Variants in ARHGAP40 observed in about 807,000 individuals in gnomAD.
The protein encoded by ARHGAP40 is Rho GTPase activating protein 40.
Under a neutral mutation model 73.5 loss-of-function variants are expected in ARHGAP40, and 43 were observed. The observed-to-expected ratio is 0.58, with a 90% CI of 0.46 to 0.75. The LOEUF (loss-of-function observed/expected upper bound fraction) is 0.75, where lower values mean the gene tolerates loss of function less well. Among genes scored for constraint, ARHGAP40 ranks in the 30% least tolerant of loss-of-function variants. ARHGAP40 has a pLI of 0.00. For missense variants in ARHGAP40, 734 were observed against 861.8 expected (o/e 0.85, Z 1.86); for synonymous variants, 300 against 352.8 (o/e 0.85, Z 1.68).
rs1198366801 is a variant in ARHGAP40, at chr20:38,646,075, G to C, written c.1598G>C (p.Arg533Pro). 7.7e-7 allele frequency: 1 copy of C among 1,304,144 alleles called. No homozygotes were observed. Among genetic ancestry groups the C allele is most frequent in the Admixed American group, 2.3e-5 (1 of 43,562 alleles). 80.8% of individuals were successfully genotyped at this position (1,304,144 alleles called of 1,614,324 possible). ...GCCTCTTTCCTGGTCGCCCAGGTGCGAAAACTGAACGACAGTAGCAGCAGG... is the reference window on the plus strand; with the variant it reads ...GCCTCTTTCCTGGTCGCCCAGGTGCCAAAACTGAACGACAGTAGCAGCAGG... The change falls in exon 12 of 15, where the codon CGA becomes CCA. Residue 533 changes from arginine to proline, a missense_variant. Physicochemically the swap from Arg to Pro is moderately radical, Grantham distance 103. Coordinates refer to ENST00000373345, the Ensembl canonical transcript of ARHGAP40. This position sits in a 1 kb window ranked among gnomAD's most constrained non-coding sequence, Gnocchi z 4.5.
chr20:38,629,066 G>A, intron 4 of ARHGAP40, 64 bp downstream of exon 4: 1 of 1,194,504 alleles, frequency 8.4e-7, no homozygotes, highest in Non-Finnish European at 1.1e-6. Context: ...GCTGCTCTGT[G>A]AAGTAAGAGA....
chr20:38,615,461 C>T (rs2088830441), intron 1 of ARHGAP40: 3 of 695,922 alleles, frequency 4.3e-6, no homozygotes, highest in Admixed American at 2.0e-5. Context: ...AGGAACTCGA[C>T]CTCGGCCACG....
chr20:38,606,682 A>G (rs959301957), intron 1 of ARHGAP40, among the ~76,000 whole-genome samples: 9 of 152,114 alleles, frequency 5.9e-5, no homozygotes, highest in African/African-American at 2.2e-4. Context: ...TTAATCAATA[A>G]TGGGTTAAAT....
In ARHGAP40 at chr20:38,623,379, G is replaced by A. The variant is rs78155085; in HGVS notation, c.158G>A (p.Arg53Gln). The A allele has an allele frequency of 3.0e-3, 3,935 of 1,290,508 alleles. 106 individuals carry two copies. The African/African-American group carries it at 0.055, about 18-fold the overall frequency. 79.9% of individuals were successfully genotyped at this position (1,290,508 alleles called of 1,614,324 possible). A position where few individuals can be genotyped will look rare whatever the true frequency, so the allele number is the denominator to read the frequency against. The stretch of plus-strand genomic sequence containing the variant: ...TACAGCTCTGGCCCCTCCTCAGGCC[G>A]AATGGATCAGCTTCCCCAGAAGAAT... The change falls in exon 2 of 15, where the codon CGA becomes CAA. Residue 53 changes from arginine (R) to glutamine (Q), a missense_variant. By Grantham distance (43) the Arg-to-Gln change is conservative (BLOSUM62 1). Coordinates refer to ENST00000373345, the Ensembl canonical transcript of ARHGAP40.
intron 1 of ARHGAP40, among the ~76,000 whole-genome samples, chr20:38,608,006 G>A (rs892254509): frequency 5.9e-5 from 9 of 151,854 alleles, no homozygotes; most frequent in Non-Finnish European, 1.0e-4. Flanking sequence ...ATCATTTGTT[G>A]CAGATATTTC....
chr20:38,623,642 C>G, intron 2 of ARHGAP40, 84 bp downstream of exon 2: 4 of 1,121,066 alleles, frequency 3.6e-6, no homozygotes, highest in Non-Finnish European at 4.6e-6. Flanking sequence ...CAGATATGAA[C>G]CAGAACATGA....
intron 1 of ARHGAP40, 99 bp from the exon 2 acceptor site, chr20:38,623,260 G>A (rs1208020918): frequency 1.0e-5 from 10 of 978,944 alleles, no homozygotes; most frequent in Non-Finnish European, 1.3e-5. Flanking sequence ...TTAGCCCCCA[G>A]GGGCCCAGGC....
intron 1 of ARHGAP40, among the ~76,000 whole-genome samples, chr20:38,613,427 C>T (rs1163735892): frequency 2.0e-5 from 3 of 152,206 alleles, no homozygotes; most frequent in East Asian, 3.8e-4. Context: ...CCTGGCTTTC[C>T]AACCCTGGTT....
At chr20:38,638,091 T>C (rs906752824) in intron 7 of ARHGAP40, among the ~76,000 whole-genome samples, 5 of 151,658 alleles carry the variant, frequency 3.3e-5, no homozygotes, top group African/African-American at 1.2e-4. Flanking sequence ...GGGTGGATCA[T>C]GAGGTCAGGA....
intron 1 of ARHGAP40, chr20:38,615,164 A>T (rs1601135591): frequency 1.1e-6 from 1 of 900,140 alleles, no homozygotes; most frequent in East Asian, 2.4e-5. Flanking sequence ...TGTCTGAAGC[A>T]TGATTTAATG....
At chr20:38,604,396 TG>T (rs1166195206) in intron 1 of ARHGAP40, among the ~76,000 whole-genome samples, 3 of 145,972 alleles carry the variant, frequency 2.1e-5, no homozygotes, top group African/African-American at 7.9e-5. Context: ...AGAACAGTGG[TG>T]TTTTTTTTTT....
At chr20:38,607,975 T>C (rs2088781736) in intron 1 of ARHGAP40, among the ~76,000 whole-genome samples, 2 of 152,292 alleles carry the variant, frequency 1.3e-5, no homozygotes, top group South Asian at 4.1e-4. Context: ...TTTATATATA[T>C]AGACTGAATA....
exon 9 of ARHGAP40, chr20:38,639,263 G>T (rs764303446): frequency 3.8e-5 from 50 of 1,305,340 alleles, no homozygotes; most frequent in African/African-American, 1.5e-5. Context: ...CTTCTATGCT[G>T]GCCTTTTTAG....
chr20:38,649,933 C>A, exon 15 of ARHGAP40: 1 of 1,010,964 alleles, frequency 9.9e-7, no homozygotes, highest in Non-Finnish European at 1.4e-6. Flanking sequence ...GAGAACAAAG[C>A]TATTCCAGGG....
At chr20:38,639,077 A>G in intron 8 of ARHGAP40, 150 bp from the exon 9 acceptor site, 7 of 848,630 alleles carry the variant, frequency 8.2e-6, no homozygotes, top group Non-Finnish European at 1.2e-5. Context: ...CACGCACGTT[A>G]GACCATTTCG....
At position 38,632,246 on chromosome 20, in the gene ARHGAP40, G is replaced by A. The variant is rs2088944647; in HGVS notation, c.784-2374G>A. ...CCCAAAGTGTTAGGATTACAGGTAT[G>A]AGCCACTGCACCCGGCCTAAATTTT... On this transcript the variant is annotated intron_variant, in intron 5 of 14. Coordinates refer to ENST00000373345, the Ensembl canonical transcript of ARHGAP40. Among the ~76,000 whole-genome samples, 3 of 149,378 alleles carry A rather than the reference G, an allele frequency of 2.0e-5. No individual in the cohort carries two copies. The Admixed American group carries it at 2.0e-4, about 10-fold the overall frequency.
At chr20:38,636,297 T>A (rs534532280) in intron 6 of ARHGAP40, among the ~76,000 whole-genome samples, 2 of 151,792 alleles carry the variant, frequency 1.3e-5, no homozygotes, top group African/African-American at 4.8e-5. Flanking sequence ...AGTCTCTCTC[T>A]CTTGCCCAGG....
At chr20:38,632,219 C>T (rs866811334) in intron 5 of ARHGAP40, among the ~76,000 whole-genome samples, 7 of 151,720 alleles carry the variant, frequency 4.6e-5, no homozygotes, top group South Asian at 2.1e-4. Context: ...CCGCCTCAGC[C>T]TCCCAAAGTG....
At chr20:38,649,312 T>C (rs1456436483) in intron 14 of ARHGAP40, among the ~76,000 whole-genome samples, 1 of 152,206 alleles carries the variant, frequency 6.6e-6, no homozygotes, top group Non-Finnish European at 1.5e-5. Context: ...AAGCAGAAGC[T>C]AAGACATGTC....
Sources: gnomAD v4.1 joint callset for allele counts (sites outside exome capture counted in the v4.1 genomes callset) on GRCh38, gnomAD v4.1.1 for gene constraint, Gnocchi (gnomAD v3.1) non-coding constraint, MANE v1.5 for transcripts, NCBI Gene and HGNC (gene_info 2026-07-23, HGNC 2026-07-21) for gene names.